SOX5: variants seen among roughly 807,000 people sequenced by gnomAD.
SOX5 encodes the protein transcription factor SOX-5.
A neutral mutation model predicts 92.0 loss-of-function variants in SOX5; 9 were observed. The observed-to-expected ratio is 0.10, with a 90% CI of 0.06 to 0.17. The LOEUF (loss-of-function observed/expected upper bound fraction) is 0.17. Ranked by LOEUF, SOX5 falls within the 10% of genes least tolerant of loss-of-function variation. SOX5 has a pLI of 1.00. For missense variants in SOX5, 642 were observed against 944.5 expected, an observed-to-expected ratio of 0.68 and a Z score of 4.20; for synonymous variants, 344 against 336.3, an observed-to-expected ratio of 1.02 and a Z score of -0.25.
intron 13 of SOX5, among the ~76,000 whole-genome samples, chr12:23,538,901 C>T (rs1198585183): frequency 3.4e-5 from 5 of 148,980 alleles, no homozygotes; most frequent in African/African-American, 5.0e-5. Context: ...CCCGGATTCA[C>T]GCCATTCTCC....
At chr12:24,178,992 G>T (rs181810782) in intron 4 of SOX5, among the ~76,000 whole-genome samples, 2 of 152,072 alleles carry the variant, frequency 1.3e-5, no homozygotes, top group Non-Finnish European at 2.9e-5. Context: ...ACAAAATCAA[G>T]GTAAAATATA....
chr12:23,954,952 T>C (rs1429598524), upstream of SOX5, among the ~76,000 whole-genome samples: 1 of 152,088 alleles, frequency 6.6e-6, no homozygotes, highest in Non-Finnish European at 1.5e-5. Context: ...TAAAAGCTTT[T>C]ATTTTATGAG....
intron 3 of SOX5, among the ~76,000 whole-genome samples, chr12:23,778,500 G>A (rs527487413): frequency 3.3e-4 from 50 of 152,332 alleles, no homozygotes; most frequent in African/African-American, 1.2e-3. Context: ...TTTGATATGT[G>A]TAGGGCATAA....
chr12:24,109,636 T>C (rs1394035142), intron 4 of SOX5, among the ~76,000 whole-genome samples: 1 of 152,182 alleles, frequency 6.6e-6, no homozygotes, highest in Non-Finnish European at 1.5e-5. Flanking sequence ...AGGGGGATCA[T>C]TACACAGTAA....
chr12:23,713,647 CTG>C (rs138042111), intron 6 of SOX5, among the ~76,000 whole-genome samples: 25 of 146,794 alleles, frequency 1.7e-4, no homozygotes, highest in Admixed American at 2.0e-4. Context: ...TCCAGTGTCT[CTG>C]TGTGTGTGTG....
intron 2 of SOX5, among the ~76,000 whole-genome samples, chr12:24,310,961 A>G (rs1949105379): frequency 6.6e-6 from 1 of 152,158 alleles, no homozygotes; most frequent in Non-Finnish European, 1.5e-5. Context: ...GGACATGTCA[A>G]GCTTAGAACA....
chr12:23,697,959 A>G (rs1303121541), intron 6 of SOX5, among the ~76,000 whole-genome samples: 3 of 150,494 alleles, frequency 2.0e-5, no homozygotes, highest in African/African-American at 7.3e-5. Flanking sequence ...TAATCTCTTC[A>G]CTCCTTTTTT....
intron 4 of SOX5, among the ~76,000 whole-genome samples, chr12:24,204,036 T>C (rs1328994146): frequency 6.6e-6 from 1 of 152,138 alleles, no homozygotes; most frequent in East Asian, 1.9e-4. Flanking sequence ...CTCTTCACTC[T>C]TGCTCCCTAT....
At chr12:24,036,971 G>T (rs989047231) in intron 4 of SOX5, among the ~76,000 whole-genome samples, 1 of 151,950 alleles carries the variant, frequency 6.6e-6, no homozygotes, top group African/African-American at 2.4e-5. Flanking sequence ...TCTTTGCAAG[G>T]CATGTTATCA....
intron 3 of SOX5, among the ~76,000 whole-genome samples, chr12:23,778,516 G>A (rs1469894737): frequency 6.6e-6 from 1 of 152,168 alleles, no homozygotes; most frequent in South Asian, 2.1e-4. Flanking sequence ...CATAAAATGG[G>A]TATCTTAAGT....
chr12:24,271,106 T>C (rs1423925595), intron 3 of SOX5, among the ~76,000 whole-genome samples: 3 of 152,236 alleles, frequency 2.0e-5, no homozygotes, highest in Admixed American at 1.3e-4. Context: ...TATCTAAAAG[T>C]AGTTGTTCCA....
At chr12:24,171,715 T>G (rs1954194374) in intron 4 of SOX5, among the ~76,000 whole-genome samples, 1 of 152,006 alleles carries the variant, frequency 6.6e-6, no homozygotes, top group African/African-American at 2.4e-5. Context: ...AGGGACCCTT[T>G]GGCCAGGTGC....
chr12:23,731,377 T>C (rs548974324), intron 6 of SOX5, among the ~76,000 whole-genome samples: 2 of 152,322 alleles, frequency 1.3e-5, no homozygotes, highest in South Asian at 2.1e-4. Flanking sequence ...TACCTACATC[T>C]ATATTTATAT....
At chr12:24,202,756 T>A (rs1245911050) in intron 4 of SOX5, among the ~76,000 whole-genome samples, 2 of 152,208 alleles carry the variant, frequency 1.3e-5, no homozygotes, top group Non-Finnish European at 2.9e-5. Context: ...GGCAAGAACA[T>A]GACAGAAATT....
At chr12:23,539,290 T>C (rs1941378861) in intron 13 of SOX5, among the ~76,000 whole-genome samples, 1 of 152,232 alleles carries the variant, frequency 6.6e-6, no homozygotes. Flanking sequence ...ATTCATTCCT[T>C]AATAAATATA....
chr12:24,430,910 C>T (rs887980077), intron 1 of SOX5, among the ~76,000 whole-genome samples: 2 of 152,084 alleles, frequency 1.3e-5, no homozygotes, highest in Non-Finnish European at 2.9e-5. Flanking sequence ...TGGAAAGTTG[C>T]ACTAAATTAT....
rs1206752421 is a variant in SOX5, at chr12:23,530,151, T to C, written c.*4068A>G. ...AACCACTTTAAGTGGCCTTCATAGT[T>C]TTCCTTGCAGACCCCGTAAGTTTTA... On this transcript the variant is annotated 3_prime_UTR_variant, in exon 15 of 15. Coordinates refer to ENST00000451604, the MANE Select transcript of SOX5 (RefSeq NM_006940.6). The C allele has an allele frequency of 6.6e-6, 1 of 152,236 alleles. No individual in the cohort carries two copies. The allele number at this position is 152,236 out of a possible 1,614,324, so 9.4% of individuals were successfully genotyped here.
chr12:23,740,851 G>A lies in SOX5; in HGVS notation c.741+16C>T, dbSNP rs372052008. The A allele has an allele frequency of 1.8e-4, 281 of 1,599,390 alleles. No individual in the cohort carries two copies. The highest frequency in any genetic ancestry group is 2.3e-4 in the Non-Finnish European group (270 of 1,169,920). On this transcript the variant is annotated intron_variant, in intron 5 of 14. Coordinates refer to ENST00000451604, the MANE Select transcript of SOX5 (RefSeq NM_006940.6). The stretch of plus-strand genomic sequence containing the variant: ...AATGTCTGAGGAATATGACTGCATC[G>A]CTAGTTCTTACTCACTTGTTCTTGT...
In SOX5 at chr12:24,551,326, A is replaced by G. The variant is rs1441601695; in HGVS notation, c.-251+11003T>C. Among the ~76,000 whole-genome samples the G allele has an allele frequency of 7.2e-5, 6 of 83,494 alleles. No individual in the cohort carries two copies. The South Asian group carries it at 2.8e-3, about 38-fold the overall frequency. The allele number at this position is 83,494 out of a possible 152,430, so 54.8% of individuals were successfully genotyped here. On this transcript the variant is annotated intron_variant, in intron 1 of 4. Transcript: ENST00000446891. ...CAGTAAAATGAAAGTGGAATTGTCC[A>G]TAAAGCACTGCTTGGTGACAGACAA...
Sources: gnomAD v4.1 joint callset for allele counts (sites outside exome capture counted in the v4.1 genomes callset) on GRCh38, gnomAD v4.1.1 for gene constraint, MANE v1.5 for transcripts, NCBI Gene and HGNC (gene_info 2026-07-23, HGNC 2026-07-21) for gene names.